Variants in CNBD1 observed in about 807,000 individuals in gnomAD.
The protein encoded by CNBD1 is cyclic nucleotide-binding domain-containing protein 1.
A neutral mutation model predicts 54.4 loss-of-function variants in CNBD1; 71 were observed. The ratio of observed to expected loss-of-function variants is 1.30; its 90% CI spans 1.08 to 1.59. CNBD1 has a LOEUF of 1.59. CNBD1 is among the 40% of genes most tolerant of loss of function. CNBD1 has a pLI of 0.00. For missense variants in CNBD1, 659 were observed against 518.0 expected, an observed-to-expected ratio of 1.27 and a Z score of -2.64; for synonymous variants, 182 against 170.7, an observed-to-expected ratio of 1.07 and a Z score of -0.51.
intron 4 of CNBD1, among the ~76,000 whole-genome samples, chr8:87,198,970 C>T (rs973651339): frequency 3.3e-5 from 5 of 152,126 alleles, no homozygotes; most frequent in African/African-American, 1.2e-4. Context: ...GGTGAAAGGG[C>T]AATAGGCATG....
intron 4 of CNBD1, among the ~76,000 whole-genome samples, chr8:87,011,470 A>C (rs73689991): frequency 0.019 from 2,887 of 152,226 alleles, 85 homozygotes; most frequent in African/African-American, 0.066. Flanking sequence ...TCTTGTTGAA[A>C]AATCATAAAA....
At position 87,271,501 on chromosome 8, in the gene CNBD1, A is replaced by G. The variant is rs185515907; in HGVS notation, c.772-13177A>G. On this transcript the variant is annotated intron_variant, in intron 6 of 10. Coordinates refer to ENST00000518476, the MANE Select transcript of CNBD1 (RefSeq NM_173538.3). The stretch of plus-strand genomic sequence containing the variant: ...AATTTTCTTCTTAAGTTATTCATTG[A>G]CCTATTGGTCATTCAGGAGAATGTT... Among the ~76,000 whole-genome samples the G allele has an allele frequency of 4.5e-4, 68 of 151,884 alleles. 1 individual carries two copies. In the East Asian group the frequency reaches 0.012, roughly 27 times the overall value.
chr8:87,392,359 A>T (rs1055872546), intron 2 of CNBD1, among the ~76,000 whole-genome samples: 11 of 152,032 alleles, frequency 7.2e-5, no homozygotes, highest in Admixed American at 7.2e-4. Context: ...ACATGAATTA[A>T]AGTTTGTAAC....
chr8:87,357,317 C>G (rs375967405), intron 10 of CNBD1, among the ~76,000 whole-genome samples: 1 of 152,162 alleles, frequency 6.6e-6, no homozygotes, highest in East Asian at 1.9e-4. Context: ...GCAGCTTGCA[C>G]TCTGAGCCTG....
rs1026587684 is a variant in CNBD1, at chr8:87,195,613, G to A, written c.432-10380G>A. On this transcript the variant is annotated intron_variant, in intron 4 of 10. Coordinates refer to ENST00000518476, the MANE Select transcript of CNBD1 (RefSeq NM_173538.3). ...TTTTGAGACAGAGTCTTGCTCTGTT[G>A]CCCAGGCTAGAGTGCAATGGTGCAA... is the stretch of plus-strand genomic sequence containing the variant. Among the ~76,000 whole-genome samples the A allele has an allele frequency of 3.5e-5, 5 of 143,604 alleles. No homozygotes were observed. In the East Asian group the frequency reaches 8.2e-4, roughly 24 times the overall value. The allele number at this position is 143,604 out of a possible 152,430, so 94.2% of individuals were successfully genotyped here.
At chr8:87,369,960 G>A (rs1159285244) in intron 10 of CNBD1, among the ~76,000 whole-genome samples, 2 of 151,678 alleles carry the variant, frequency 1.3e-5, no homozygotes, top group African/African-American at 4.8e-5. Context: ...TCCCATCTAT[G>A]AGTGAGAACA....
At chr8:87,003,542 G>A (rs1307028646) in intron 4 of CNBD1, among the ~76,000 whole-genome samples, 1 of 152,086 alleles carries the variant, frequency 6.6e-6, no homozygotes, top group East Asian at 1.9e-4. Context: ...TTGTCAAGTA[G>A]GAGATAACAA....
intron 8 of CNBD1, among the ~76,000 whole-genome samples, chr8:87,320,609 C>CAT (rs1554578808): frequency 1.9e-4 from 25 of 130,694 alleles, no homozygotes; most frequent in African/African-American, 6.5e-4. Context: ...TGTATGTGCA[C>CAT]GTGTGTGTGT....
chr8:87,179,481 C>T (rs1813266669), intron 4 of CNBD1, among the ~76,000 whole-genome samples: 1 of 152,038 alleles, frequency 6.6e-6, no homozygotes, highest in African/African-American at 2.4e-5. Context: ...AAAAGGAAAA[C>T]ATGGTTAAAT....
chr8:86,879,057 G>A (rs1196900890), intron 1 of CNBD1, among the ~76,000 whole-genome samples: 1 of 152,056 alleles, frequency 6.6e-6, no homozygotes, highest in African/African-American at 2.4e-5. Flanking sequence ...GAAGCAGGGT[G>A]TTTTTAGATT....
In CNBD1 at chr8:87,087,264, T is replaced by C. The variant is rs191694972; in HGVS notation, c.432-118729T>C. The stretch of plus-strand genomic sequence containing the variant: ...ATATATACGTATATATATATATACA[T>C]ATATATATACGTATATATATATATA... On this transcript the variant is annotated intron_variant, in intron 4 of 10. Transcript: ENST00000518476. Among the ~76,000 whole-genome samples, 1,078 of 144,384 alleles carry C rather than the reference T, an allele frequency of 7.5e-3. 21 individuals are homozygous for C. Among genetic ancestry groups the C allele is most frequent in the African/African-American group, 0.023 (895 of 39,518 alleles). 94.7% of individuals were successfully genotyped at this position (144,384 alleles called of 152,430 possible).
At chr8:87,088,218 C>T (rs1320209299) in intron 4 of CNBD1, among the ~76,000 whole-genome samples, 1 of 152,182 alleles carries the variant, frequency 6.6e-6, no homozygotes, top group East Asian at 1.9e-4. Context: ...CACCTGCCCA[C>T]ACTTATGAAT....
intron 6 of CNBD1, among the ~76,000 whole-genome samples, chr8:87,269,917 C>T (rs1808330005): frequency 6.6e-6 from 1 of 151,944 alleles, no homozygotes; most frequent in African/African-American, 2.4e-5. Context: ...ATGAAGCCAG[C>T]ATCATTTTGA....
intron 4 of CNBD1, among the ~76,000 whole-genome samples, chr8:87,190,284 A>G (rs993567079): frequency 3.9e-5 from 6 of 152,318 alleles, no homozygotes; most frequent in Middle Eastern, 3.4e-3. Flanking sequence ...AGGAACTCAC[A>G]TGGCTGGGTG....
At chr8:87,384,786 A>T (rs1212068258), downstream of CNBD1, among the ~76,000 whole-genome samples, 2 of 152,212 alleles carry the variant, frequency 1.3e-5, no homozygotes, top group Non-Finnish European at 2.9e-5. Flanking sequence ...ATAAGATAGA[A>T]CAATATAGGT....
chr8:87,258,232 C>G (rs893364903), intron 6 of CNBD1, among the ~76,000 whole-genome samples: 1 of 151,966 alleles, frequency 6.6e-6, no homozygotes, highest in African/African-American at 2.4e-5. Context: ...ATATTGTAAA[C>G]TAGAATTCCA....
At chr8:87,253,595 ATC>A (rs1381440494) in intron 6 of CNBD1, among the ~76,000 whole-genome samples, 1 of 152,176 alleles carries the variant, frequency 6.6e-6, no homozygotes, top group Admixed American at 6.5e-5. Context: ...GCCATGTGGT[ATC>A]TCTTTTCTGG....
At chr8:87,176,482 T>C (rs1813199347) in intron 4 of CNBD1, among the ~76,000 whole-genome samples, 2 of 111,158 alleles carry the variant, frequency 1.8e-5, no homozygotes, top group African/African-American at 3.5e-5. Context: ...TTTAAGTTAG[T>C]ATTTTTTTTT....
At chr8:86,916,645 T>C (rs574480775) in intron 3 of CNBD1, among the ~76,000 whole-genome samples, 17 of 152,132 alleles carry the variant, frequency 1.1e-4, no homozygotes, top group Admixed American at 1.0e-3. Context: ...AGTTTCAGGT[T>C]TTTTTCTATC....
Sources: allele counts gnomAD v4.1 joint callset (sites outside exome capture counted in the v4.1 genomes callset), GRCh38; gene constraint gnomAD v4.1.1; transcripts MANE v1.5; gene names NCBI Gene and HGNC (gene_info 2026-07-23, HGNC 2026-07-21).